Variants in NALF1 observed in about 807,000 individuals in gnomAD.
NALF1 encodes the protein family with sequence similarity 155 member A.
In NALF1, 3 loss-of-function variants were observed where a neutral mutation model predicts 48.4. The ratio of observed to expected loss-of-function variants is 0.06; its 90% confidence interval spans 0.03 to 0.16. The LOEUF (loss-of-function observed/expected upper bound fraction) is 0.16, where lower values mean the gene tolerates loss of function less well. Ranked by LOEUF, NALF1 falls within the 10% of genes least tolerant of loss-of-function variation. The probability of loss-of-function intolerance (pLI) is 1.00; values close to 1 mark genes in which losing one functional copy is unlikely to be tolerated. For synonymous variants in NALF1, 262 were observed against 245.7 expected (o/e 1.07, Z -0.62); for missense variants, 526 against 571.5 (o/e 0.92, Z 0.81).
chr13:107,220,099 T>C (rs1324669), intron 1 of NALF1, among the ~76,000 whole-genome samples: 3,765 of 152,336 alleles, frequency 0.025, 162 homozygotes, highest in African/African-American at 0.086. Context: ...AATCTGCTTT[T>C]GCTCAAAGAA....
intron 1 of NALF1, among the ~76,000 whole-genome samples, chr13:107,573,255 A>G (rs1878040195): frequency 6.6e-6 from 1 of 152,080 alleles, no homozygotes; most frequent in Non-Finnish European, 1.5e-5. Context: ...TTCCTAACAT[A>G]CTTCTGCTCT....
At chr13:107,357,708 TA>T (rs1415913394) in intron 1 of NALF1, among the ~76,000 whole-genome samples, 1 of 152,106 alleles carries the variant, frequency 6.6e-6, no homozygotes, top group Non-Finnish European at 1.5e-5. Flanking sequence ...CATTCACTCA[TA>T]AAAAAATGTT....
At chr13:107,235,158 T>C (rs1880315770) in intron 1 of NALF1, among the ~76,000 whole-genome samples, 1 of 152,196 alleles carries the variant, frequency 6.6e-6, no homozygotes, top group South Asian at 2.1e-4. Flanking sequence ...GTATAACTTA[T>C]TAGAAATCTT....
At chr13:107,791,414 G>A (rs1878228270) in intron 1 of NALF1, among the ~76,000 whole-genome samples, 1 of 151,918 alleles carries the variant, frequency 6.6e-6, no homozygotes, top group East Asian at 1.9e-4. Context: ...TTACTCCTGG[G>A]GCATGGGTGA....
chr13:107,176,358 A>G (rs913145750), intron 2 of NALF1, among the ~76,000 whole-genome samples: 1 of 140,246 alleles, frequency 7.1e-6, no homozygotes. Flanking sequence ...AATAATACAC[A>G]TGGGCTGGAT....
At chr13:107,218,471 G>A (rs1316686519) in intron 1 of NALF1, among the ~76,000 whole-genome samples, 1 of 152,154 alleles carries the variant, frequency 6.6e-6, no homozygotes, top group African/African-American at 2.4e-5. Context: ...TGGTTAGCGT[G>A]AGAGCCAGTC....
rs547029874 is a variant in NALF1 at position 107,388,697 on chromosome 13, T to A, written c.916-177942A>T. On this transcript the variant is annotated intron_variant, in intron 1 of 2. Coordinates refer to ENST00000375915, the MANE Select transcript of NALF1 (RefSeq NM_001080396.3). ...TACTCCATCAAGAAAAAGTAAAATG[T>A]ATTTAAAGGGAATTGAGCCTGCATA... 1.3e-4 allele frequency among the ~76,000 whole-genome samples: 20 copies of A among 152,256 alleles called. No homozygotes were observed. In the South Asian group the frequency reaches 3.9e-3, roughly 30 times the overall value.
intron 1 of NALF1, among the ~76,000 whole-genome samples, chr13:107,291,850 T>C (rs985429270): frequency 5.9e-5 from 9 of 152,210 alleles, no homozygotes; most frequent in African/African-American, 2.2e-4. Flanking sequence ...TTGTAGATAT[T>C]TTACTTTAAC....
intron 1 of NALF1, among the ~76,000 whole-genome samples, chr13:107,792,379 A>G (rs1878276137): frequency 6.6e-6 from 1 of 152,222 alleles, no homozygotes; most frequent in South Asian, 2.1e-4. Flanking sequence ...ACAAAATGTG[A>G]AAGTGTCGCG....
At chr13:107,389,707 C>A (rs1209749287) in intron 1 of NALF1, among the ~76,000 whole-genome samples, 1 of 152,108 alleles carries the variant, frequency 6.6e-6, no homozygotes, top group East Asian at 1.9e-4. Context: ...CACTGGCATG[C>A]GAGCTCATGA....
intron 1 of NALF1, among the ~76,000 whole-genome samples, chr13:107,643,847 C>T (rs1880230930): frequency 6.6e-6 from 1 of 152,012 alleles, no homozygotes; most frequent in Non-Finnish European, 1.5e-5. Flanking sequence ...TGTGCAGCCT[C>T]AAGGGAGATC....
Position 107,433,658 on chromosome 13 carries a change from AAAGTT to A in NALF1, c.916-222908_916-222904del, listed in dbSNP as rs1395072844. 3.3e-5 allele frequency among the ~76,000 whole-genome samples: 5 copies of A among 152,268 alleles called. No individual in the cohort carries two copies. The East Asian group carries it at 9.6e-4, about 29-fold the overall frequency. The stretch of plus-strand genomic sequence containing the variant: ...AAACATTTGCTATTCTACACATTAA[AAAGTT>A]AAGGCACAAATTCAAAAAAAAAAAC... On this transcript the variant is annotated intron_variant, in intron 1 of 2. Transcript: ENST00000375915.
At chr13:107,196,077 G>A (rs183549510) in intron 2 of NALF1, among the ~76,000 whole-genome samples, 1 of 152,204 alleles carries the variant, frequency 6.6e-6, no homozygotes, top group Admixed American at 6.5e-5. Flanking sequence ...GCATGTTCAC[G>A]CTTATAAGTG....
chr13:107,822,435 T>C (rs577885027), intron 1 of NALF1, among the ~76,000 whole-genome samples: 1 of 151,992 alleles, frequency 6.6e-6, no homozygotes, highest in Admixed American at 6.6e-5. Flanking sequence ...ACCTGAGAAC[T>C]TTTTAGAAAT....
intron 1 of NALF1, among the ~76,000 whole-genome samples, chr13:107,348,035 T>C (rs902799499): frequency 6.6e-6 from 1 of 152,204 alleles, no homozygotes; most frequent in African/African-American, 2.4e-5. Context: ...ATGGACGTTT[T>C]CCCCAAGGCA....
intron 1 of NALF1, among the ~76,000 whole-genome samples, chr13:107,252,534 C>G (rs1880724798): frequency 6.6e-6 from 1 of 151,882 alleles, no homozygotes; most frequent in African/African-American, 2.4e-5. Context: ...AGACAGAAGA[C>G]AGAGAAGGAA....
At chr13:107,712,259 C>T (rs1488751688) in intron 1 of NALF1, among the ~76,000 whole-genome samples, 1 of 152,132 alleles carries the variant, frequency 6.6e-6, no homozygotes, top group African/African-American at 2.4e-5. Context: ...GACCTCAGTG[C>T]CTATATTCTT....
chr13:107,637,255 A>G lies in NALF1; in HGVS notation c.915+228427T>C, dbSNP rs7489452. Among the ~76,000 whole-genome samples, 18 of 69,984 alleles carry G rather than the reference A, an allele frequency of 2.6e-4. No individual in the cohort carries two copies. The East Asian group carries it at 5.0e-3, about 19-fold the overall frequency. The allele number at this position is 69,984 out of a possible 152,430, so 45.9% of individuals were successfully genotyped here. ...TATTGTATTTGTTGTGTGTGTGTGT[A>G]TATATATATATAATTTATTAAGGAA... On this transcript the variant is annotated intron_variant, in intron 1 of 2. Transcript: ENST00000375915.
rs111502684 is a variant in NALF1 at position 107,292,523 on chromosome 13, A to G, written c.916-81768T>C. Among the ~76,000 whole-genome samples, 628 of 150,910 alleles carry G rather than the reference A, an allele frequency of 4.2e-3. 6 individuals are homozygous for G. Among genetic ancestry groups the G allele is most frequent in the African/African-American group, 0.014 (594 of 41,430 alleles). On this transcript the variant is annotated intron_variant, in intron 1 of 2. Coordinates refer to ENST00000375915, the MANE Select transcript of NALF1 (RefSeq NM_001080396.3). ...AAACTTTTTGTTAAAAGCTAAACAC[A>G]TGTGTGTATTTATACGCACTAACCT... is the stretch of plus-strand genomic sequence containing the variant.
Sources: allele counts gnomAD v4.1 joint callset (sites outside exome capture counted in the v4.1 genomes callset), GRCh38; gene constraint gnomAD v4.1.1; transcripts MANE v1.5; gene names NCBI Gene and HGNC (gene_info 2026-07-23, HGNC 2026-07-21).